Variants in DLG2 observed in about 807,000 individuals in gnomAD.
The protein encoded by DLG2 is discs large MAGUK scaffold protein 2.
Under a neutral mutation model 132.5 loss-of-function variants are expected in DLG2, and 45 were observed. That is an observed-to-expected ratio of 0.34 (90% CI 0.27 to 0.44). DLG2 has a LOEUF of 0.44. Ranked by LOEUF, DLG2 falls within the 20% of genes least tolerant of loss-of-function variation. The probability of loss-of-function intolerance (pLI) is 1.00; values close to 1 mark genes in which losing one functional copy is unlikely to be tolerated. For missense variants in DLG2, 1,045 were observed against 1,196.9 expected (o/e 0.87, Z 1.87); for synonymous variants, 424 against 419.6 (o/e 1.01, Z -0.13).
intron 8 of DLG2, chr11:84,167,108 G>T: frequency 2.1e-6 from 1 of 467,210 alleles, no homozygotes; most frequent in Non-Finnish European, 4.3e-6. Context: ...TAGACTTGGA[G>T]AGTCAGTCAA....
chr11:83,863,135 G>A (rs983158240), intron 16 of DLG2, among the ~76,000 whole-genome samples: 1 of 152,184 alleles, frequency 6.6e-6, no homozygotes, highest in African/African-American at 2.4e-5. Flanking sequence ...GGAGACCCCA[G>A]ATATCTGGAA....
intron 8 of DLG2, among the ~76,000 whole-genome samples, chr11:84,165,121 A>T (rs1434976080): frequency 6.6e-6 from 1 of 152,204 alleles, no homozygotes; most frequent in East Asian, 1.9e-4. Context: ...TTAACGAGAT[A>T]CATTTTCATT....
Position 83,537,789 on chromosome 11 carries a change from G to A in DLG2, c.2117+3893C>T, listed in dbSNP as rs566140357. Among the ~76,000 whole-genome samples the A allele has an allele frequency of 9.9e-5, 10 of 101,284 alleles. No individual in the cohort carries two copies. In the South Asian group the frequency reaches 3.5e-3, roughly 36 times the overall value. 66.4% of individuals were successfully genotyped at this position (101,284 alleles called of 152,430 possible). A position where few individuals can be genotyped will look rare whatever the true frequency, so the allele number is the denominator to read the frequency against. ...GGGATTGTACTCCGGCCTAGGCAAC[G>A]AAAGTGAGACTCTGTCTCAAAAAAA... On this transcript the variant is annotated intron_variant, in intron 20 of 27. Coordinates refer to ENST00000376104, the MANE Select transcript of DLG2 (RefSeq NM_001142699.3).
At chr11:85,188,592 A>T (rs1566983298) in intron 4 of DLG2, among the ~76,000 whole-genome samples, 1 of 152,226 alleles carries the variant, frequency 6.6e-6, no homozygotes, top group Admixed American at 6.5e-5. Context: ...TATAAGAATT[A>T]AAGCCCATTT....
chr11:85,415,095 G>C (rs542475071), intron 3 of DLG2, among the ~76,000 whole-genome samples: 7 of 152,212 alleles, frequency 4.6e-5, no homozygotes, highest in African/African-American at 1.7e-4. Flanking sequence ...CCACTTATGA[G>C]TGAGAACATG....
intron 6 of DLG2, among the ~76,000 whole-genome samples, chr11:84,763,663 A>G (rs2067975260): frequency 6.6e-6 from 1 of 152,108 alleles, no homozygotes; most frequent in Non-Finnish European, 1.5e-5. Context: ...CAACTTCTCA[A>G]TTGGCTCCTC....
intron 4 of DLG2, among the ~76,000 whole-genome samples, chr11:85,209,677 T>A (rs2082134394): frequency 6.7e-6 from 1 of 149,990 alleles, no homozygotes; most frequent in Non-Finnish European, 1.5e-5. Context: ...TGACCTCAAG[T>A]AATCCACCCG....
At position 84,463,191 on chromosome 11, in the gene DLG2, G is replaced by GCTTAATTCTTTTCTCTTAC. The variant is rs2099085038; in HGVS notation, c.519+71360_519+71378dup. On this transcript the variant is annotated intron_variant, in intron 7 of 27. Coordinates refer to ENST00000376104, the MANE Select transcript of DLG2 (RefSeq NM_001142699.3). ...AGAATTTGCTTTCCTACTTTCCAGT[G>GCTTAATTCTTTTCTCTTAC]CTTAATTCTTTTCTCTTACCAGGCA... 2.6e-5 allele frequency among the ~76,000 whole-genome samples: 4 copies of GCTTAATTCTTTTCTCTTAC among 151,208 alleles called. No individual in the cohort carries two copies. In the South Asian group the frequency reaches 8.3e-4, roughly 31 times the overall value.
intron 7 of DLG2, among the ~76,000 whole-genome samples, chr11:84,335,591 A>C (rs139867074): frequency 6.6e-6 from 1 of 152,288 alleles, no homozygotes; most frequent in African/African-American, 2.4e-5. Flanking sequence ...TTATGTCATT[A>C]CTACCTACAC....
At chr11:83,823,410 T>C (rs897907273) in intron 17 of DLG2, among the ~76,000 whole-genome samples, 5 of 152,190 alleles carry the variant, frequency 3.3e-5, no homozygotes, top group Middle Eastern at 3.2e-3. Flanking sequence ...TATTTAGCAT[T>C]TAATATGTAA....
chr11:84,168,179 C>T (rs542751676), intron 8 of DLG2, among the ~76,000 whole-genome samples: 1 of 152,236 alleles, frequency 6.6e-6, no homozygotes, highest in East Asian at 1.9e-4. Context: ...TAAAGAGGCA[C>T]CGAAACACAA....
chr11:85,031,121 C>T (rs924063554), intron 6 of DLG2, among the ~76,000 whole-genome samples: 11 of 151,882 alleles, frequency 7.2e-5, no homozygotes, highest in Admixed American at 2.6e-4. Context: ...AGTGTCATTT[C>T]ATTTTCAATG....
chr11:85,193,299 G>T (rs1385388726), intron 4 of DLG2, among the ~76,000 whole-genome samples: 3 of 152,050 alleles, frequency 2.0e-5, no homozygotes, highest in Non-Finnish European at 2.9e-5. Flanking sequence ...TCTATATATT[G>T]TTTATCCATT....
At chr11:84,014,864 T>C (rs1187673251) in intron 11 of DLG2, among the ~76,000 whole-genome samples, 1 of 148,178 alleles carries the variant, frequency 6.7e-6, no homozygotes, top group East Asian at 2.0e-4. Context: ...TAATTAGTTT[T>C]GAGATAAAAA....
chr11:83,860,193 A>G (rs1296910112), intron 16 of DLG2, among the ~76,000 whole-genome samples: 1 of 152,160 alleles, frequency 6.6e-6, no homozygotes, highest in East Asian at 1.9e-4. Context: ...CACCTAGTGG[A>G]GCTGTGAGAA....
At chr11:84,204,248 T>C (rs2096636622) in intron 8 of DLG2, among the ~76,000 whole-genome samples, 1 of 152,250 alleles carries the variant, frequency 6.6e-6, no homozygotes, top group Admixed American at 6.5e-5. Context: ...TAAGCCACCG[T>C]GCCTGCCAAG....
intron 21 of DLG2, among the ~76,000 whole-genome samples, chr11:83,510,709 A>T (rs945221462): frequency 1.3e-5 from 2 of 151,896 alleles, no homozygotes; most frequent in Admixed American, 1.3e-4. Flanking sequence ...TCCTTGAGGT[A>T]TCTTTCAGAT....
At chr11:83,886,284 C>T (rs1246390112) in intron 15 of DLG2, among the ~76,000 whole-genome samples, 1 of 152,102 alleles carries the variant, frequency 6.6e-6, no homozygotes, top group East Asian at 1.9e-4. Flanking sequence ...ACAAAAAAGG[C>T]AGGGGTTGCA....
At chr11:85,021,376 C>T in intron 6 of DLG2, 1 of 1,345,068 alleles carries the variant, frequency 7.4e-7, no homozygotes, top group Admixed American at 1.7e-5. Flanking sequence ...ACCTGCTTTT[C>T]CTCGGTTCAC....
Sources: gnomAD v4.1 joint callset for allele counts (sites outside exome capture counted in the v4.1 genomes callset) on GRCh38, gnomAD v4.1.1 for gene constraint, MANE v1.5 for transcripts, NCBI Gene and HGNC (gene_info 2026-07-23, HGNC 2026-07-21) for gene names.